Variants in ZCCHC7 observed in about 807,000 individuals in gnomAD.
ZCCHC7 encodes zinc finger CCHC domain-containing protein 7.
A neutral mutation model predicts 52.0 loss-of-function variants in ZCCHC7; 35 were observed. The ratio of observed to expected loss-of-function variants is 0.67; its 90% CI spans 0.51 to 0.89. ZCCHC7 has a LOEUF of 0.89. Ranked by LOEUF, ZCCHC7 falls within the 40% of genes least tolerant of loss-of-function variation. The pLI is 0.00. For synonymous variants in ZCCHC7, 217 were observed against 221.5 expected, an observed-to-expected ratio of 0.98 and a Z score of 0.18; for missense variants, 574 against 649.1, an observed-to-expected ratio of 0.88 and a Z score of 1.26.
intron 5 of ZCCHC7, among the ~76,000 whole-genome samples, chr9:37,306,633 T>G (rs1350309776): frequency 6.7e-6 from 1 of 149,388 alleles, no homozygotes; most frequent in East Asian, 2.0e-4. Context: ...ACCTGGCTAA[T>G]TTTTTATTTT....
At chr9:37,182,749 G>T (rs1306757366) in intron 2 of ZCCHC7, among the ~76,000 whole-genome samples, 1 of 152,178 alleles carries the variant, frequency 6.6e-6, no homozygotes, top group Non-Finnish European at 1.5e-5. Context: ...TATTTTTTGA[G>T]GTTTCAGTAT....
intron 2 of ZCCHC7, among the ~76,000 whole-genome samples, chr9:37,188,237 A>G (rs947081753): frequency 2.0e-5 from 3 of 152,006 alleles, no homozygotes; most frequent in African/African-American, 7.3e-5. Flanking sequence ...TGCTGCCTCA[A>G]AATTGGCTCA....
intron 2 of ZCCHC7, among the ~76,000 whole-genome samples, chr9:37,278,038 T>G (rs1357038252): frequency 1.2e-5 from 1 of 81,256 alleles, no homozygotes; most frequent in East Asian, 2.8e-4. Context: ...GTGTGTGTGT[T>G]TTGTTTTGTT....
intron 5 of ZCCHC7, among the ~76,000 whole-genome samples, chr9:37,315,432 A>T (rs1257005525): frequency 1.1e-5 from 1 of 91,716 alleles, no homozygotes; most frequent in East Asian, 2.3e-4. Context: ...TTGACTTGAT[A>T]AAAAAAATCA....
At chr9:37,214,915 A>G (rs1483778235) in intron 2 of ZCCHC7, among the ~76,000 whole-genome samples, 1 of 152,046 alleles carries the variant, frequency 6.6e-6, no homozygotes, top group Non-Finnish European at 1.5e-5. Context: ...GAAGAAAGAG[A>G]TATTTCTGAT....
intron 3 of ZCCHC7, 102 bp downstream of exon 3, chr9:37,302,333 G>C (rs1001936621): frequency 1.0e-5 from 10 of 961,948 alleles, no homozygotes; most frequent in Non-Finnish European, 1.6e-5. Context: ...TGGCTTATAA[G>C]AAAACATTTG....
chr9:37,227,043 A>C (rs924990563), intron 2 of ZCCHC7, among the ~76,000 whole-genome samples: 3 of 151,984 alleles, frequency 2.0e-5, no homozygotes, highest in South Asian at 2.1e-4. Context: ...AAAAAAAAAA[A>C]AAACCAGGAT....
intron 2 of ZCCHC7, among the ~76,000 whole-genome samples, chr9:37,198,026 G>A (rs1823380424): frequency 6.6e-6 from 1 of 152,178 alleles, no homozygotes; most frequent in Non-Finnish European, 1.5e-5. Flanking sequence ...GTAATTAAAT[G>A]GGAAACTGTA....
At chr9:37,203,961 C>G (rs908836111) in intron 2 of ZCCHC7, among the ~76,000 whole-genome samples, 2 of 152,182 alleles carry the variant, frequency 1.3e-5, no homozygotes, top group African/African-American at 4.8e-5. Context: ...ATAGCCTCGC[C>G]AGCATTTGTT....
At chr9:37,213,665 A>G (rs559982746) in intron 2 of ZCCHC7, among the ~76,000 whole-genome samples, 3 of 152,194 alleles carry the variant, frequency 2.0e-5, no homozygotes, top group Non-Finnish European at 2.9e-5. Flanking sequence ...GCCTGGATAC[A>G]TGAATTCTAA....
chr9:37,309,864 G>A (rs1042729718), intron 5 of ZCCHC7, among the ~76,000 whole-genome samples: 2 of 151,342 alleles, frequency 1.3e-5, no homozygotes, highest in African/African-American at 4.9e-5. Context: ...AGAGGTTTCA[G>A]TGAGCCGAGA....
chr9:37,193,214 T>A (rs78168052), intron 2 of ZCCHC7, among the ~76,000 whole-genome samples: 5,143 of 152,154 alleles, frequency 0.034, 292 homozygotes, highest in African/African-American at 0.12. Flanking sequence ...TGCTGAAATT[T>A]AAAAAAAATC....
At chr9:37,347,316 G>C (rs141295383) in intron 6 of ZCCHC7, among the ~76,000 whole-genome samples, 2 of 151,916 alleles carry the variant, frequency 1.3e-5, no homozygotes, top group Admixed American at 6.6e-5. Flanking sequence ...TTATTCTGCC[G>C]CTTCATGCTT....
At chr9:37,181,206 T>C (rs1426689549) in intron 2 of ZCCHC7, among the ~76,000 whole-genome samples, 5 of 152,202 alleles carry the variant, frequency 3.3e-5, no homozygotes, top group Non-Finnish European at 7.4e-5. Context: ...TTTTTATTTG[T>C]AGTTTGCAAG....
intron 2 of ZCCHC7, among the ~76,000 whole-genome samples, chr9:37,139,724 A>G (rs1387437738): frequency 1.3e-5 from 2 of 151,982 alleles, no homozygotes; most frequent in African/African-American, 4.8e-5. Flanking sequence ...GCTTTTGCTT[A>G]AATATACAAT....
chr9:37,179,899 A>G (rs1822255257), intron 2 of ZCCHC7, among the ~76,000 whole-genome samples: 1 of 152,144 alleles, frequency 6.6e-6, no homozygotes. Flanking sequence ...GTTGGTATTT[A>G]TTTGAATTTT....
chr9:37,249,817 A>G (rs945273022), intron 2 of ZCCHC7, among the ~76,000 whole-genome samples: 2 of 152,148 alleles, frequency 1.3e-5, no homozygotes, highest in Non-Finnish European at 2.9e-5. Flanking sequence ...TATATGATCA[A>G]TCAAGCACTG....
chr9:37,314,455 A>T (rs1829724830), intron 5 of ZCCHC7, among the ~76,000 whole-genome samples: 1 of 152,214 alleles, frequency 6.6e-6, no homozygotes, highest in Non-Finnish European at 1.5e-5. Flanking sequence ...CAGGTATAAA[A>T]GTCCATCATG....
intron 2 of ZCCHC7, among the ~76,000 whole-genome samples, chr9:37,192,182 A>C (rs891318099): frequency 6.6e-6 from 1 of 152,048 alleles, no homozygotes; most frequent in Non-Finnish European, 1.5e-5. Flanking sequence ...AGTTTCTCTC[A>C]TATAGGAATT....
Sources: allele counts gnomAD v4.1 joint callset (sites outside exome capture counted in the v4.1 genomes callset), GRCh38; gene constraint gnomAD v4.1.1; transcripts MANE v1.5; gene names NCBI Gene and HGNC (gene_info 2026-07-23, HGNC 2026-07-21).